The following CCSER1 variants were observed in gnomAD, a reference collection of about 807,000 sequenced individuals.
CCSER1 encodes coiled-coil serine rich protein 1.
In CCSER1, 41 loss-of-function variants were observed where a neutral mutation model predicts 82.0. That is an observed-to-expected ratio of 0.50 (90% CI 0.39 to 0.65). The LOEUF is 0.65. CCSER1 is among the 30% of genes least tolerant of loss of function. CCSER1 has a pLI of 0.00. For missense variants in CCSER1, 1,119 were observed against 1,064.2 expected, an observed-to-expected ratio of 1.05 and a Z score of -0.72; for synonymous variants, 414 against 383.9, an observed-to-expected ratio of 1.08 and a Z score of -0.92.
intron 10 of CCSER1, among the ~76,000 whole-genome samples, chr4:91,490,487 G>C (rs149157477): frequency 6.6e-6 from 1 of 152,088 alleles, no homozygotes; most frequent in Admixed American, 6.6e-5. Context: ...GAATACACCA[G>C]GCCCAGAAAG....
chr4:90,781,528 A>G (rs950020802), intron 7 of CCSER1: 2 of 984,438 alleles, frequency 2.0e-6, no homozygotes, highest in Non-Finnish European at 2.4e-6. Context: ...GTTAAACTTG[A>G]AACACTTTTT....
At chr4:90,705,934 T>C (rs1739260734) in intron 6 of CCSER1, among the ~76,000 whole-genome samples, 1 of 152,222 alleles carries the variant, frequency 6.6e-6, no homozygotes, top group African/African-American at 2.4e-5. Context: ...GGTCAGGCGA[T>C]GCCTTGCCCT....
At chr4:91,232,038 G>A in intron 10 of CCSER1, among the ~76,000 whole-genome samples, 1 of 151,922 alleles carries the variant, frequency 6.6e-6, no homozygotes, top group South Asian at 2.1e-4. Context: ...CAAAAATATG[G>A]AGAGAAATAG....
chr4:90,802,445 A>G (rs1016654684), intron 7 of CCSER1, among the ~76,000 whole-genome samples: 14 of 151,728 alleles, frequency 9.2e-5, no homozygotes, highest in Middle Eastern at 3.4e-3. Context: ...AATAGTACTC[A>G]TTTAAAAAGT....
chr4:91,057,031 TACA>T (rs1352192796), intron 9 of CCSER1, among the ~76,000 whole-genome samples: 4 of 151,944 alleles, frequency 2.6e-5, no homozygotes, highest in African/African-American at 9.7e-5. Flanking sequence ...GAGGGAGAGG[TACA>T]ACAACAATGG....
At chr4:90,871,201 T>G (rs1291168716) in intron 8 of CCSER1, among the ~76,000 whole-genome samples, 2 of 151,830 alleles carry the variant, frequency 1.3e-5, no homozygotes, top group Admixed American at 6.6e-5. Context: ...TGTTCTTTAT[T>G]AATTTCTTCA....
At chr4:90,181,159 C>G (rs1005694659) in intron 1 of CCSER1, among the ~76,000 whole-genome samples, 2 of 152,076 alleles carry the variant, frequency 1.3e-5, no homozygotes, top group Non-Finnish European at 2.9e-5. Context: ...AAACCAGTGG[C>G]ACACACAATT....
intron 10 of CCSER1, among the ~76,000 whole-genome samples, chr4:91,538,804 T>A (rs1276803809): frequency 2.0e-5 from 3 of 148,184 alleles, no homozygotes. Flanking sequence ...AGTGCATTAT[T>A]CTGGTTCTAA....
intron 6 of CCSER1, among the ~76,000 whole-genome samples, chr4:90,675,069 T>A (rs937797358): frequency 1.3e-5 from 2 of 152,060 alleles, no homozygotes; most frequent in Non-Finnish European, 2.9e-5. Context: ...CTATCATCAT[T>A]GTGACCTTGA....
chr4:91,161,798 C>G (rs114091444), intron 10 of CCSER1, among the ~76,000 whole-genome samples: 1 of 151,942 alleles, frequency 6.6e-6, no homozygotes, highest in African/African-American at 2.4e-5. Flanking sequence ...AAGACATAAG[C>G]AACATGAAGT....
chr4:91,598,837 G>A lies in CCSER1; in HGVS notation c.2483G>A (p.Ser828Asn), dbSNP rs1252109477. Residue 828 changes from serine to asparagine, a missense_variant, in exon 11 of 11, where the codon AGC becomes AAC. Coordinates refer to ENST00000509176, the MANE Select transcript of CCSER1 (RefSeq NM_001145065.2). ...AACTTACGGGCCACCGTTGGGCAGA[G>A]CTCTCTGAAGCCAACAGCTAAGACA... ...TQNLRATVGQ[S>N]SLKPTAKTEG... 3.2e-6 allele frequency: 5 copies of A among 1,551,636 alleles called. No homozygotes were observed. The highest frequency in any genetic ancestry group is 2.0e-5 in the Admixed American group (1 of 50,992).
At chr4:91,091,505 G>A (rs1348617693) in intron 10 of CCSER1, among the ~76,000 whole-genome samples, 2 of 152,196 alleles carry the variant, frequency 1.3e-5, no homozygotes, top group Non-Finnish European at 2.9e-5. Flanking sequence ...GTGGGAAGAA[G>A]CAGTGGAAGC....
intron 10 of CCSER1, among the ~76,000 whole-genome samples, chr4:91,368,269 T>G (rs1749781822): frequency 6.6e-6 from 1 of 152,194 alleles, no homozygotes; most frequent in Admixed American, 6.5e-5. Context: ...TTAAATTCAA[T>G]GTTCTCAAAT....
chr4:90,160,538 C>T (rs1270805127), intron 1 of CCSER1, among the ~76,000 whole-genome samples: 1 of 152,010 alleles, frequency 6.6e-6, no homozygotes, highest in Non-Finnish European at 1.5e-5. Context: ...CAAGAAAAGC[C>T]CATTAGGCTT....
chr4:90,741,404 C>T (rs1004902703), intron 7 of CCSER1, among the ~76,000 whole-genome samples: 1 of 152,092 alleles, frequency 6.6e-6, no homozygotes, highest in African/African-American at 2.4e-5. Flanking sequence ...ACCTGTTGCT[C>T]TCAATAATTT....
chr4:90,289,358 A>C (rs1257551759), intron 1 of CCSER1, among the ~76,000 whole-genome samples: 1 of 151,890 alleles, frequency 6.6e-6, no homozygotes, highest in Non-Finnish European at 1.5e-5. Context: ...GATTATGTAG[A>C]TTTTCAAAGT....
intron 5 of CCSER1, among the ~76,000 whole-genome samples, chr4:90,594,114 T>C (rs17017235): frequency 0.069 from 10,464 of 151,920 alleles, 636 homozygotes; most frequent in African/African-American, 0.16. Context: ...ACTAGGCAAA[T>C]TCACCTAGGA....
At chr4:91,201,538 G>C (rs1735900958) in intron 10 of CCSER1, among the ~76,000 whole-genome samples, 1 of 152,018 alleles carries the variant, frequency 6.6e-6, no homozygotes, top group African/African-American at 2.4e-5. Flanking sequence ...TAAATTTACA[G>C]ATTGCACTAG....
chr4:90,588,370 C>G (rs916739938), intron 5 of CCSER1, among the ~76,000 whole-genome samples: 1 of 152,202 alleles, frequency 6.6e-6, no homozygotes, highest in Non-Finnish European at 1.5e-5. Flanking sequence ...ACAATGTTCA[C>G]TGCATCTTTA....
Sources: gnomAD v4.1 joint callset for allele counts (sites outside exome capture counted in the v4.1 genomes callset) on GRCh38, gnomAD v4.1.1 for gene constraint, MANE v1.5 for transcripts, NCBI Gene and HGNC (gene_info 2026-07-23, HGNC 2026-07-21) for gene names.